Variants in FBXO41 observed in about 807,000 individuals in gnomAD.
FBXO41 encodes F-box protein 41.
A neutral mutation model predicts 81.6 loss-of-function variants in FBXO41; 33 were observed. That is an observed-to-expected ratio of 0.40 (90% confidence interval 0.31 to 0.54). The LOEUF is 0.54. Among genes scored for constraint, FBXO41 ranks in the 20% least tolerant of loss-of-function variants. The probability of loss-of-function intolerance (pLI) is 0.39; values close to 1 mark genes in which losing one functional copy is unlikely to be tolerated. For synonymous variants in FBXO41, 576 were observed against 552.7 expected (o/e 1.04, Z -0.59); for missense variants, 1,107 against 1,236.0 (o/e 0.90, Z 1.56).
intron 1 of FBXO41, chr2:73,272,183 C>G (rs890330636): frequency 2.6e-4 from 39 of 152,172 alleles, no homozygotes; most frequent in African/African-American, 8.4e-4. Flanking sequence ...GGCCATGTAC[C>G]TACCATGGCT....
chr2:73,271,356 G>C (rs555005586), intron 1 of FBXO41: 3 of 185,342 alleles, frequency 1.6e-5, no homozygotes, highest in Non-Finnish European at 3.4e-5. Flanking sequence ...CAAATCAGTC[G>C]TGGGGTAAAC....
intron 5 of FBXO41, among the ~76,000 whole-genome samples, chr2:73,265,068 C>T (rs762252162): frequency 1.4e-4 from 22 of 152,218 alleles, no homozygotes; most frequent in Admixed American, 9.8e-4. Context: ...GAATGGCCCC[C>T]CTGCCCCCCA....
rs1207121544 is a variant in FBXO41, at chr2:73,269,180, C to G, written c.451G>C (p.Glu151Gln). The G allele has an allele frequency of 1.3e-6, 2 of 1,527,526 alleles. No homozygotes were observed. The highest frequency in any genetic ancestry group is 4.0e-5 in the Admixed American group (2 of 49,688). The allele number at this position is 1,527,526 out of a possible 1,614,324, so 94.6% of individuals were successfully genotyped here. A position where few individuals can be genotyped will look rare whatever the true frequency, so the allele number is the denominator to read the frequency against. The change falls in exon 2 of 13, where the codon GAG becomes CAG. Residue 151 changes from glutamate to glutamine, a missense_variant. By Grantham distance (29) the Glu-to-Gln change is conservative. Coordinates refer to ENST00000520530, the MANE Select transcript of FBXO41 (RefSeq NM_001371389.2). The surrounding 1 kb of genome is among the most constrained non-coding windows in gnomAD (Gnocchi z 7.0). ...GCGAACAGCTCCCCCAGCGGGATCT[C>G]GATCTCGCGCAGCGCATAGCGCGCT... ...AAARYALREIEIPLGELFARK... is the reference protein window; with the variant it reads ...AAARYALREIQIPLGELFARK...
chr2:73,259,499 G>C lies in FBXO41; in HGVS notation c.2450-203C>G, dbSNP rs2103847004. The stretch of plus-strand genomic sequence containing the variant: ...GCTGAGGCACAGGAGAGGCTGCATT[G>C]GCCTCTGGGAGGGTGAGTGGGCAGC... On this transcript the variant is annotated intron_variant, in intron 11 of 12. Transcript: ENST00000520530. This position sits in a 1 kb window ranked among gnomAD's most constrained non-coding sequence, Gnocchi z 4.2. 6.6e-6 allele frequency among the ~76,000 whole-genome samples: 1 copy of C among 152,338 alleles called. No individual in the cohort carries two copies. The highest frequency in any genetic ancestry group is 6.5e-5 in the Admixed American group (1 of 15,302).
intron 2 of FBXO41, among the ~76,000 whole-genome samples, chr2:73,268,451 G>A (rs1334919228): frequency 6.6e-6 from 1 of 152,176 alleles, no homozygotes; most frequent in Non-Finnish European, 1.5e-5. Context: ...CAAAAGAGAA[G>A]AGGATCTGGT....
At chr2:73,276,560 C>CAGAGAG (rs533998261) in intron 1 of FBXO41, among the ~76,000 whole-genome samples, 3,029 of 106,208 alleles carry the variant, frequency 0.029, 27 homozygotes, top group Admixed American at 0.035. Flanking sequence ...CAAATCTATT[C>CAGAGAG]AGAGAGAGAG....
chr2:73,262,374 G>A (rs548265526), intron 9 of FBXO41, among the ~76,000 whole-genome samples: 4 of 152,192 alleles, frequency 2.6e-5, no homozygotes, highest in African/African-American at 7.2e-5. Flanking sequence ...AGGAGCTGTC[G>A]CGTGGAGAGA....
chr2:73,258,931 G>A lies in FBXO41; in HGVS notation c.*51C>T. ...AACCAGGGTCCCTCTGAGGTCCAAA[G>A]AGAGTGCCCTGGTGTGGGGCTGGCA... On this transcript the variant is annotated 3_prime_UTR_variant, in exon 13 of 13. Coordinates refer to ENST00000520530, the MANE Select transcript of FBXO41 (RefSeq NM_001371389.2). The A allele has an allele frequency of 6.6e-7, 1 of 1,523,168 alleles. No homozygotes were observed. The highest frequency in any genetic ancestry group is 1.2e-5 in the South Asian group (1 of 80,754). The allele number at this position is 1,523,168 out of a possible 1,614,324, so 94.4% of individuals were successfully genotyped here.
At position 73,269,297 on chromosome 2, in the gene FBXO41, G is replaced by A; in HGVS notation, c.334C>T (p.His112Tyr). The A allele has an allele frequency of 6.5e-7, 1 of 1,530,538 alleles. No individual in the cohort carries two copies. Among genetic ancestry groups the A allele is most frequent in the Non-Finnish European group, 8.8e-7 (1 of 1,138,920 alleles). 94.8% of individuals were successfully genotyped at this position (1,530,538 alleles called of 1,614,324 possible). ...CCGGGGAAGTGGGCGAGGGGAGCGT[G>A]GTGATGGTGGTGGTGCAGCAGGTGC... ...APHLLHHHHH[H>Y]APLAHFPGDL... Residue 112 changes from histidine (H) to tyrosine (Y), a missense_variant, in exon 2 of 13, where the codon CAC becomes TAC. By Grantham distance (83) the His-to-Tyr change is moderately conservative. This residue lies in a region of FBXO41 where 771 missense variants were observed against 789.2 expected (regional missense o/e 0.98). Coordinates refer to ENST00000520530, the MANE Select transcript of FBXO41 (RefSeq NM_001371389.2). The surrounding 1 kb of genome is among the most constrained non-coding windows in gnomAD (Gnocchi z 7.0).
At chr2:73,263,153 A>C in intron 9 of FBXO41, 60 bp downstream of exon 9, 1 of 1,378,832 alleles carries the variant, frequency 7.3e-7, no homozygotes, top group Non-Finnish European at 1.0e-6. Flanking sequence ...CTAAGTCCTC[A>C]GCCCCAGACC....
intron 2 of FBXO41, among the ~76,000 whole-genome samples, chr2:73,267,866 G>GA (rs1001767154): frequency 1.1e-4 from 16 of 151,906 alleles, no homozygotes; most frequent in Admixed American, 2.6e-4. Flanking sequence ...ATACTGTACT[G>GA]AAAAAAACAG....
rs771707604 is a variant in FBXO41 at position 73,259,197 on chromosome 2, A to G, written c.2549T>C (p.Met850Thr). ...ACCCCTCACCTGGAGTTTTGTCACC[A>G]TGTCCTCAAACAGCTTCTGGGCCTC... ...SPEAQKLFEDMVTKLQALRRR... is the reference protein window; with the variant it reads ...SPEAQKLFEDTVTKLQALRRR... The change falls in exon 12 of 13, where the codon ATG (methionine) becomes ACG (threonine). Residue 850 changes from methionine (M) to threonine (T), a missense_variant. Around this residue, in one of 2 missense-constraint regions of FBXO41, gnomAD observed 336 missense variants for 446.7 expected, o/e 0.75. Coordinates refer to ENST00000520530, the MANE Select transcript of FBXO41 (RefSeq NM_001371389.2). The surrounding 1 kb of genome is among the most constrained non-coding windows in gnomAD (Gnocchi z 4.2). The G allele has an allele frequency of 1.4e-5, 22 of 1,613,886 alleles. No homozygotes were observed. The highest frequency in any genetic ancestry group is 3.3e-5 in the Admixed American group (2 of 60,012).
chr2:73,266,499 C>T lies in FBXO41; in HGVS notation c.1089G>A (p.Gly363=). The T allele has an allele frequency of 6.3e-7, 1 of 1,587,686 alleles. No individual in the cohort carries two copies. The highest frequency in any genetic ancestry group is 8.6e-7 in the Non-Finnish European group (1 of 1,168,126). ...GGGCATTGGGTCCAGCACCACCGCC[C>T]CCACCTCCACGGCCCAGGCTGGCGC... ...TPSASLGRGG[G]GGGAGPNARG... is the part of the protein sequence containing the mutation. Residue 363 remains glycine (G), a synonymous_variant, in exon 3 of 13, where the codon GGG becomes GGA. Coordinates refer to ENST00000520530, the MANE Select transcript of FBXO41 (RefSeq NM_001371389.2). The surrounding 1 kb of genome is among the most constrained non-coding windows in gnomAD (Gnocchi z 5.3).
At position 73,266,366 on chromosome 2, in the gene FBXO41, G is replaced by C. The variant is rs1057465824; in HGVS notation, c.1131+91C>G. ...AAAAGCCAAAGAAGGGGCGAATGCGGCATCATGGGGGAGATGTCCAGCCAT... is the reference window on the plus strand; with the variant it reads ...AAAAGCCAAAGAAGGGGCGAATGCGCCATCATGGGGGAGATGTCCAGCCAT... On this transcript the variant is annotated intron_variant, in intron 3 of 12. Coordinates refer to ENST00000520530, the MANE Select transcript of FBXO41 (RefSeq NM_001371389.2). This position sits in a 1 kb window ranked among gnomAD's most constrained non-coding sequence, Gnocchi z 5.3. 5.9e-6 allele frequency: 8 copies of C among 1,364,334 alleles called. No homozygotes were observed. The African/African-American group carries it at 1.0e-4, about 18-fold the overall frequency. The allele number at this position is 1,364,334 out of a possible 1,614,324, so 84.5% of individuals were successfully genotyped here. A position where few individuals can be genotyped will look rare whatever the true frequency, so the allele number is the denominator to read the frequency against.
chr2:73,264,626 T>C, intron 5 of FBXO41, 107 bp from the exon 6 acceptor site: 1 of 1,506,418 alleles, frequency 6.6e-7, no homozygotes, highest in Non-Finnish European at 8.9e-7. Flanking sequence ...ATGGACATGC[T>C]GTGGTACCAG....
At chr2:73,280,227 T>C (rs1416185256) in intron 1 of FBXO41, among the ~76,000 whole-genome samples, 2 of 152,092 alleles carry the variant, frequency 1.3e-5, no homozygotes, top group Non-Finnish European at 2.9e-5. Flanking sequence ...TTCTAAATAT[T>C]TGATTTTGTC....
In FBXO41 at chr2:73,266,579, C is replaced by G. The variant is rs771728071; in HGVS notation, c.1009G>C (p.Asp337His). The change falls in exon 3 of 13, where the codon GAC (aspartate) becomes CAC (histidine). Residue 337 changes from aspartate to histidine, a missense_variant. Asp to His is a moderately conservative substitution (Grantham distance 81, BLOSUM62 -1). Transcript: ENST00000520530. The surrounding 1 kb of genome is among the most constrained non-coding windows in gnomAD (Gnocchi z 5.3). ...ACCTGCAGCTGCCGCTCGGCACGGT[C>G]AGCCCGCTCAAGGAGCTCCTCAATG... Reference protein sequence around the residue: ...QFIEELLERADRAERQLQVIS... With the variant: ...QFIEELLERAHRAERQLQVIS... The G allele has an allele frequency of 1.9e-6, 3 of 1,611,156 alleles. No homozygotes were observed. In the South Asian group the frequency reaches 3.3e-5, roughly 18 times the overall value.
rs939236785 is a variant in FBXO41 at position 73,259,491 on chromosome 2, G to A, written c.2450-195C>T. ...TAGATGGGGCTGAGGCACAGGAGAG[G>A]CTGCATTGGCCTCTGGGAGGGTGAG... On this transcript the variant is annotated intron_variant, in intron 11 of 12. Coordinates refer to ENST00000520530, the MANE Select transcript of FBXO41 (RefSeq NM_001371389.2). This position sits in a 1 kb window ranked among gnomAD's most constrained non-coding sequence, Gnocchi z 4.2. Among the ~76,000 whole-genome samples, 8 of 152,188 alleles carry A rather than the reference G, an allele frequency of 5.3e-5. No homozygotes were observed. Among genetic ancestry groups the A allele is most frequent in the Non-Finnish European group, 7.4e-5 (5 of 68,026 alleles).
chr2:73,278,801 A>G (rs1049287141), intron 1 of FBXO41, among the ~76,000 whole-genome samples: 2 of 152,258 alleles, frequency 1.3e-5, no homozygotes, highest in African/African-American at 2.4e-5. Context: ...AACAGCATGT[A>G]TAAGGGCAAG....
Sources: allele counts gnomAD v4.1 joint callset (sites outside exome capture counted in the v4.1 genomes callset), GRCh38; gene constraint gnomAD v4.1.1; regional missense constraint gnomAD v4.1.1; non-coding constraint Gnocchi (gnomAD v3.1); transcripts MANE v1.5; gene names NCBI Gene and HGNC (gene_info 2026-07-23, HGNC 2026-07-21).